TENM2: variants seen among roughly 807,000 people sequenced by gnomAD.
TENM2 encodes the protein teneurin-2.
TENM2 carries 52 observed loss-of-function variants against 245.2 expected under a neutral mutation model. That is an observed-to-expected ratio of 0.21 (90% confidence interval 0.17 to 0.27). The LOEUF is 0.27. Ranked by LOEUF, TENM2 falls within the 10% of genes least tolerant of loss-of-function variation. The pLI, the probability that TENM2 is intolerant of heterozygous loss-of-function variation, is 1.00. For missense variants in TENM2, 3,046 were observed against 3,666.8 expected (o/e 0.83, Z 4.37); for synonymous variants, 1,363 against 1,438.9 (o/e 0.95, Z 1.19).
At chr5:167,902,829 A>T (rs1775814665) in intron 3 of TENM2, among the ~76,000 whole-genome samples, 1 of 152,236 alleles carries the variant, frequency 6.6e-6, no homozygotes, top group Non-Finnish European at 1.5e-5. Context: ...CAGGACATTT[A>T]GGTTGGCTGT....
chr5:167,061,394 A>T, the TENM2 span, among the ~76,000 whole-genome samples: 1 of 152,224 alleles, frequency 6.6e-6, no homozygotes, highest in Non-Finnish European at 1.5e-5. Flanking sequence ...GTTCTAGTCA[A>T]CTGGTGGCTG....
At chr5:167,572,614 T>C (rs1051402622) in intron 2 of TENM2, among the ~76,000 whole-genome samples, 1 of 152,144 alleles carries the variant, frequency 6.6e-6, no homozygotes. Context: ...GAACCAGCAA[T>C]TTACATTCTT....
chr5:167,868,736 T>TAAA (rs11345222), intron 2 of TENM2, among the ~76,000 whole-genome samples: 9 of 123,428 alleles, frequency 7.3e-5, no homozygotes, highest in South Asian at 2.9e-4. Context: ...AGATTCTGTC[T>TAAA]AAAAAAAAAA....
At chr5:167,548,026 T>G (rs954874608) in intron 2 of TENM2, among the ~76,000 whole-genome samples, 1 of 152,208 alleles carries the variant, frequency 6.6e-6, no homozygotes, top group Non-Finnish European at 1.5e-5. Context: ...AGAACTCTGG[T>G]CATTCATCGA....
chr5:167,370,987 G>A (rs1760382002), intron 1 of TENM2, among the ~76,000 whole-genome samples: 1 of 152,212 alleles, frequency 6.6e-6, no homozygotes, highest in Non-Finnish European at 1.5e-5. Context: ...GTGCAAAACA[G>A]TAAGTTGAGC....
the TENM2 span, among the ~76,000 whole-genome samples, chr5:167,054,219 A>T: frequency 6.6e-6 from 1 of 152,176 alleles, no homozygotes; most frequent in African/African-American, 2.4e-5. Flanking sequence ...TAATTCCTGT[A>T]AATATCTAAT....
At chr5:168,041,488 C>G (rs1788182553) in intron 5 of TENM2, among the ~76,000 whole-genome samples, 1 of 152,208 alleles carries the variant, frequency 6.6e-6, no homozygotes, top group Admixed American at 6.5e-5. Context: ...CCCCAGACGT[C>G]AGCATAAACT....
intron 2 of TENM2, among the ~76,000 whole-genome samples, chr5:167,704,753 G>T (rs1476400829): frequency 2.6e-5 from 4 of 152,158 alleles, no homozygotes; most frequent in Admixed American, 1.3e-4. Flanking sequence ...GAAAGAATCA[G>T]CCCTTTTTAC....
chr5:167,717,211 C>A (rs928907264), intron 2 of TENM2, among the ~76,000 whole-genome samples: 1 of 152,120 alleles, frequency 6.6e-6, no homozygotes, highest in Non-Finnish European at 1.5e-5. Flanking sequence ...CCACCTCAGC[C>A]TCCCAAAGTG....
the TENM2 span, among the ~76,000 whole-genome samples, chr5:167,073,346 C>T: frequency 6.6e-6 from 1 of 152,156 alleles, no homozygotes; most frequent in African/African-American, 2.4e-5. Flanking sequence ...CATCGAAGAT[C>T]CACCCTTTTG....
intron 2 of TENM2, among the ~76,000 whole-genome samples, chr5:167,564,134 G>A (rs1398694446): frequency 6.6e-6 from 1 of 152,180 alleles, no homozygotes; most frequent in Non-Finnish European, 1.5e-5. Context: ...AAACCATATA[G>A]TGATTTAGAA....
intron 20 of TENM2, 94 bp from the exon 23 acceptor site, chr5:168,214,944 GGT>G (rs2152559995): frequency 1.1e-6 from 1 of 942,442 alleles, no homozygotes; most frequent in South Asian, 1.4e-5. Flanking sequence ...CACTAGAGAA[GGT>G]AAGCGTCTTG....
intron 2 of TENM2, among the ~76,000 whole-genome samples, chr5:167,758,722 A>T (rs73386484): frequency 6.6e-6 from 1 of 152,116 alleles, no homozygotes; most frequent in African/African-American, 2.4e-5. Flanking sequence ...CTGTAAGTGA[A>T]AAAATTCGCT....
chr5:166,990,335 C>T, the TENM2 span, among the ~76,000 whole-genome samples: 1 of 152,194 alleles, frequency 6.6e-6, no homozygotes, highest in South Asian at 2.1e-4. Context: ...CACTGTCTCC[C>T]ACGGATTTTG....
chr5:167,112,246 T>C, the TENM2 span, among the ~76,000 whole-genome samples: 1 of 152,226 alleles, frequency 6.6e-6, no homozygotes, highest in Non-Finnish European at 1.5e-5. Flanking sequence ...AGAGCATGAA[T>C]ACCACCGTAT....
At chr5:167,084,200 A>AT in the TENM2 span, among the ~76,000 whole-genome samples, 1 of 150,904 alleles carries the variant, frequency 6.6e-6, no homozygotes, top group East Asian at 2.0e-4. Context: ...GATAAGATGA[A>AT]TTTATCAAAC....
chr5:167,604,884 G>GGAAT (rs1168754123), intron 2 of TENM2, among the ~76,000 whole-genome samples: 13 of 152,146 alleles, frequency 8.5e-5, no homozygotes, highest in Non-Finnish European at 1.6e-4. Context: ...AAACAGAGAT[G>GGAAT]GAATGATTGA....
At chr5:168,172,107 G>GGTGGGGAC (rs1758891394) in intron 13 of TENM2, among the ~76,000 whole-genome samples, 1 of 152,026 alleles carries the variant, frequency 6.6e-6, no homozygotes, top group African/African-American at 2.4e-5. Flanking sequence ...GAGTCATGGT[G>GGTGGGGAC]GTGGGGAGGT....
At chr5:167,799,981 A>G (rs1765589388) in intron 2 of TENM2, among the ~76,000 whole-genome samples, 1 of 152,184 alleles carries the variant, frequency 6.6e-6, no homozygotes, top group African/African-American at 2.4e-5. Context: ...CCCGTGTCAT[A>G]GCTCAGCATC....
Sources: allele counts gnomAD v4.1 joint callset (sites outside exome capture counted in the v4.1 genomes callset), GRCh38; gene constraint gnomAD v4.1.1; transcripts MANE v1.5; gene names NCBI Gene and HGNC (gene_info 2026-07-23, HGNC 2026-07-21).